The following MTHFS variants were observed in gnomAD, a reference collection of about 807,000 sequenced individuals.
The protein encoded by MTHFS is methenyltetrahydrofolate synthetase, also known as 5-formyltetrahydrofolate cyclo-ligase.
A neutral mutation model predicts 12.7 loss-of-function variants in MTHFS; 7 were observed. That is an observed-to-expected ratio of 0.55 (90% CI 0.31 to 1.03). The LOEUF is 1.03. MTHFS is among the 50% of genes least tolerant of loss of function. The pLI is 0.05. For missense variants in MTHFS, 252 were observed against 258.1 expected, an observed-to-expected ratio of 0.98 and a Z score of 0.16; for synonymous variants, 100 against 97.1, an observed-to-expected ratio of 1.03 and a Z score of -0.18.
intron 2 of MTHFS, 46 bp downstream of exon 2, chr15:79,889,047 A>T (rs201784798): frequency 3.8e-5 from 60 of 1,599,632 alleles, no homozygotes; most frequent in Middle Eastern, 3.3e-4. Context: ...TCTGAGATCT[A>T]ACAACTGGTC....
chr15:79,853,216 T>C (rs1209288465), intron 2 of MTHFS, among the ~76,000 whole-genome samples: 1 of 152,240 alleles, frequency 6.6e-6, no homozygotes, highest in Non-Finnish European at 1.5e-5. Flanking sequence ...TACACTTTCA[T>C]AGTACTCTTC....
intron 1 of MTHFS, among the ~76,000 whole-genome samples, chr15:79,895,838 G>A (rs1288481794): frequency 6.6e-6 from 1 of 152,160 alleles, no homozygotes; most frequent in Non-Finnish European, 1.5e-5. Flanking sequence ...TAATTCCAAG[G>A]AACATCAAGT....
At chr15:79,893,248 C>CA (rs1294353961) in intron 1 of MTHFS, among the ~76,000 whole-genome samples, 1 of 151,534 alleles carries the variant, frequency 6.6e-6, no homozygotes, top group African/African-American at 2.4e-5. Flanking sequence ...ACAAAAAATA[C>CA]AAAAATTAGT....
At chr15:79,884,447 T>G (rs1040732460) in intron 2 of MTHFS, among the ~76,000 whole-genome samples, 4 of 152,200 alleles carry the variant, frequency 2.6e-5, no homozygotes, top group African/African-American at 9.7e-5. Flanking sequence ...CAGAGAAGGC[T>G]TGAATAGGGT....
chr15:79,886,961 C>A (rs992692175), intron 2 of MTHFS, among the ~76,000 whole-genome samples: 4 of 152,152 alleles, frequency 2.6e-5, no homozygotes, highest in African/African-American at 9.7e-5. Flanking sequence ...CATACATAGG[C>A]CGGGCACGGT....
chr15:79,894,132 C>G (rs2034523931), intron 1 of MTHFS, among the ~76,000 whole-genome samples: 1 of 152,198 alleles, frequency 6.6e-6, no homozygotes, highest in Admixed American at 6.5e-5. Flanking sequence ...CGCCTGTAAT[C>G]CCAGCACTTT....
chr15:79,896,770 T>G, intron 1 of MTHFS, 102 bp downstream of exon 1: 1 of 1,380,510 alleles, frequency 7.2e-7, no homozygotes, highest in Non-Finnish European at 9.5e-7. Context: ...GGGGGGCGCC[T>G]AGCCCAGCGC....
chr15:79,883,310 T>A (rs1045889495), intron 2 of MTHFS, among the ~76,000 whole-genome samples: 1 of 152,200 alleles, frequency 6.6e-6, no homozygotes, highest in Non-Finnish European at 1.5e-5. Flanking sequence ...TTTTCTTTCA[T>A]AGCTATAAAG....
chr15:79,890,110 G>A (rs1261000137), intron 1 of MTHFS, among the ~76,000 whole-genome samples: 1 of 151,692 alleles, frequency 6.6e-6, no homozygotes, highest in East Asian at 1.9e-4. Flanking sequence ...TCATCCATCA[G>A]GCAGGAGAAG....
chr15:79,849,107 A>G (rs2033668140), intron 2 of MTHFS, among the ~76,000 whole-genome samples: 1 of 152,206 alleles, frequency 6.6e-6, no homozygotes, highest in South Asian at 2.1e-4. Context: ...AAGGCTCGGA[A>G]ACAGCCCTTC....
upstream of MTHFS, chr15:79,897,106 GA>G (rs1234684902): frequency 2.0e-6 from 2 of 1,000,416 alleles, no homozygotes; most frequent in Non-Finnish European, 1.3e-6. Flanking sequence ...GGGGCTCGGG[GA>G]AGCGCCCCCA....
chr15:79,875,782 CA>C (rs2034184648), intron 2 of MTHFS: 4 of 152,022 alleles, frequency 2.6e-5, no homozygotes, highest in Admixed American at 2.6e-4. Flanking sequence ...TGAAAAAACA[CA>C]ATGGGAGAAA....
intron 2 of MTHFS, among the ~76,000 whole-genome samples, chr15:79,849,385 C>A (rs1414327820): frequency 1.3e-5 from 2 of 152,166 alleles, no homozygotes; most frequent in African/African-American, 4.8e-5. Flanking sequence ...ACATGCATCA[C>A]CCACCCCACA....
At chr15:79,894,210 G>A (rs148801796) in intron 1 of MTHFS, among the ~76,000 whole-genome samples, 4 of 152,120 alleles carry the variant, frequency 2.6e-5, no homozygotes, top group Non-Finnish European at 4.4e-5. Context: ...GTGAAACCCC[G>A]TCTCTACTAA....
rs143883740 is a variant in MTHFS, at chr15:79,893,524, C to T, written c.117+3348G>A. 0.019 allele frequency among the ~76,000 whole-genome samples: 2,917 copies of T among 151,752 alleles called. 178 individuals carry two copies. In the East Asian group the frequency reaches 0.22, roughly 11 times the overall value. ...CCATCCTGGCTAACACGGTGAAACC[C>T]CATCTCTACTAAAAATACAAAAAAT... On this transcript the variant is annotated intron_variant, in intron 1 of 2. Transcript: ENST00000258874.
intron 1 of MTHFS, 78 bp downstream of exon 1, chr15:79,896,794 G>A (rs1222513725): frequency 1.1e-5 from 17 of 1,527,574 alleles, no homozygotes; most frequent in Non-Finnish European, 1.5e-5. Context: ...CACGGACCAT[G>A]CACAGATCAG....
At chr15:79,848,316 G>A (rs2033654894) in intron 2 of MTHFS, among the ~76,000 whole-genome samples, 1 of 152,202 alleles carries the variant, frequency 6.6e-6, no homozygotes, top group Non-Finnish European at 1.5e-5. Flanking sequence ...GGAACAGAAT[G>A]TAGAATGATG....
chr15:79,885,063 CCACT>C (rs2034359238), intron 2 of MTHFS, among the ~76,000 whole-genome samples: 1 of 152,130 alleles, frequency 6.6e-6, no homozygotes, highest in Non-Finnish European at 1.5e-5. Flanking sequence ...AAATCCATAC[CCACT>C]ATCTTTTATT....
At chr15:79,897,185 G>A (rs2034598428), upstream of MTHFS, 12 of 486,198 alleles carry the variant, frequency 2.5e-5, no homozygotes, top group Non-Finnish European at 3.8e-5. Flanking sequence ...TTGGGACCCA[G>A]CCCTCGTGCG....
Sources: allele counts gnomAD v4.1 joint callset (sites outside exome capture counted in the v4.1 genomes callset), GRCh38; gene constraint gnomAD v4.1.1; transcripts MANE v1.5; gene names NCBI Gene and HGNC (gene_info 2026-07-23, HGNC 2026-07-21).